KIRREL3: variants seen among roughly 807,000 people sequenced by gnomAD.
KIRREL3 encodes kin of IRRE-like protein 3.
Under a neutral mutation model 89.7 loss-of-function variants are expected in KIRREL3, and 36 were observed. The ratio of observed to expected loss-of-function variants is 0.40; its 90% CI spans 0.31 to 0.53. The LOEUF is 0.53. Ranked by LOEUF, KIRREL3 falls within the 20% of genes least tolerant of loss-of-function variation. KIRREL3 has a pLI of 0.49. For synonymous variants in KIRREL3, 445 were observed against 441.4 expected, an observed-to-expected ratio of 1.01 and a Z score of -0.10; for missense variants, 864 against 1,056.6, an observed-to-expected ratio of 0.82 and a Z score of 2.53.
Position 126,611,088 on chromosome 11 carries a change from A to G in KIRREL3, c.56-48176T>C, listed in dbSNP as rs941978912. The G allele has an allele frequency of 1.3e-5, 2 of 152,184 alleles. No individual in the cohort carries two copies. The highest frequency in any genetic ancestry group is 4.8e-5 in the African/African-American group (2 of 41,444). The allele number at this position is 152,184 out of a possible 1,614,324, so 9.4% of individuals were successfully genotyped here. A position where few individuals can be genotyped will look rare whatever the true frequency, so the allele number is the denominator to read the frequency against. On this transcript the variant is annotated intron_variant, in intron 1 of 16. Coordinates refer to ENST00000525144, the MANE Select transcript of KIRREL3 (RefSeq NM_032531.4). This position sits in a 1 kb window ranked among gnomAD's most constrained non-coding sequence, Gnocchi z 4.7. ...CAAGAGACAGACCGCCCACATTAAA[A>G]TCTGACTCCACTCCTGAGCTGTGTG...
intron 2 of KIRREL3, among the ~76,000 whole-genome samples, chr11:126,539,951 A>G (rs567410060): frequency 1.4e-3 from 216 of 152,250 alleles, no homozygotes; most frequent in African/African-American, 5.1e-3. Context: ...CCAGTCTGGG[A>G]GTGTTGGGAG....
intron 1 of KIRREL3, among the ~76,000 whole-genome samples, chr11:126,842,852 G>A (rs150113093): frequency 1.4e-3 from 211 of 152,340 alleles, no homozygotes; most frequent in Admixed American, 3.2e-3. Flanking sequence ...GGCCGACCAT[G>A]AGTTTGACTC....
At chr11:126,845,910 A>G (rs1340601277) in intron 1 of KIRREL3, among the ~76,000 whole-genome samples, 2 of 152,194 alleles carry the variant, frequency 1.3e-5, no homozygotes, top group African/African-American at 4.8e-5. Context: ...CTTGGGAAAA[A>G]CAGAGGAGGT....
At position 126,489,652 on chromosome 11, in the gene KIRREL3, A is replaced by T. The variant is rs2134331812; in HGVS notation, c.434-16186T>A. Among the ~76,000 whole-genome samples, 1 of 152,098 alleles carries T rather than the reference A, an allele frequency of 6.6e-6. No homozygotes were observed. The highest frequency in any genetic ancestry group is 1.9e-4 in the East Asian group (1 of 5,168). ...TCCCCTGGCTTTCCTGAGACCTTGG[A>T]CGTGCCCCTTCCCCTCTGCATTCCC... is the stretch of plus-strand genomic sequence containing the variant. On this transcript the variant is annotated intron_variant, in intron 4 of 16. Coordinates refer to ENST00000525144, the MANE Select transcript of KIRREL3 (RefSeq NM_032531.4). The surrounding 1 kb of genome is among the most constrained non-coding windows in gnomAD (Gnocchi z 5.5).
Position 126,870,517 on chromosome 11 carries a change from A to G in KIRREL3, c.55+129938T>C, listed in dbSNP as rs955155314. On this transcript the variant is annotated intron_variant, in intron 1 of 16. Transcript: ENST00000525144. The surrounding 1 kb of genome is among the most constrained non-coding windows in gnomAD (Gnocchi z 4.4). ...AAGGCAGGTCCTTGCAAGAGGTAAA[A>G]GGCTCAGTAGAATGCAGCTTCCTGG... is the stretch of plus-strand genomic sequence containing the variant. 2.6e-5 allele frequency among the ~76,000 whole-genome samples: 4 copies of G among 152,186 alleles called. No homozygotes were observed. The highest frequency in any genetic ancestry group is 5.9e-5 in the Non-Finnish European group (4 of 68,030).
rs746721628 is a variant in KIRREL3, at chr11:126,744,722, G to A, written c.56-181810C>T. On this transcript the variant is annotated intron_variant, in intron 1 of 16. Coordinates refer to ENST00000525144, the MANE Select transcript of KIRREL3 (RefSeq NM_032531.4). This position sits in a 1 kb window ranked among gnomAD's most constrained non-coding sequence, Gnocchi z 4.7. ...ACTAAGGACCCGATGAACAGTACTC[G>A]TATTACTATTCTTTATAATGCTCAT... Among the ~76,000 whole-genome samples the A allele has an allele frequency of 5.9e-5, 9 of 152,158 alleles. No individual in the cohort carries two copies. The highest frequency in any genetic ancestry group is 1.3e-4 in the Admixed American group (2 of 15,278).
chr11:126,797,649 C>G lies in KIRREL3; in HGVS notation c.55+202806G>C, dbSNP rs1409467994. The stretch of plus-strand genomic sequence containing the variant: ...GGGGCTTCTGATGGGGCCCTGGCAG[C>G]GGGAGTCTCAGCATCCAAGCACAAT... On this transcript the variant is annotated intron_variant, in intron 1 of 16. Transcript: ENST00000525144. This position sits in a 1 kb window ranked among gnomAD's most constrained non-coding sequence, Gnocchi z 4.9. Among the ~76,000 whole-genome samples, 1 of 152,062 alleles carries G rather than the reference C, an allele frequency of 6.6e-6. No individual in the cohort carries two copies. The highest frequency in any genetic ancestry group is 2.4e-5 in the African/African-American group (1 of 41,400).
At position 126,977,066 on chromosome 11, in the gene KIRREL3, T is replaced by C. The variant is rs1949599073; in HGVS notation, c.55+23389A>G. The stretch of plus-strand genomic sequence containing the variant: ...TCCCAAGGAGGACTGCCCTTTTTAT[T>C]CTTCTTCCTTCTTGAAACCTAAAAA... On this transcript the variant is annotated intron_variant, in intron 1 of 16. Transcript: ENST00000525144. The surrounding 1 kb of genome is among the most constrained non-coding windows in gnomAD (Gnocchi z 4.7). 6.6e-6 allele frequency among the ~76,000 whole-genome samples: 1 copy of C among 152,200 alleles called. No homozygotes were observed. Among genetic ancestry groups the C allele is most frequent in the African/African-American group, 2.4e-5 (1 of 41,446 alleles).
At chr11:126,939,945 T>C (rs1948369381) in intron 1 of KIRREL3, among the ~76,000 whole-genome samples, 1 of 152,074 alleles carries the variant, frequency 6.6e-6, no homozygotes, top group Admixed American at 6.6e-5. Context: ...AGAAACCCAG[T>C]ACAAATAAAA....
rs1944974505 is a variant in KIRREL3, at chr11:126,867,868, TC to T, written c.55+132586del. Among the ~76,000 whole-genome samples, 1 of 152,102 alleles carries T rather than the reference TC, an allele frequency of 6.6e-6. No homozygotes were observed. The highest frequency in any genetic ancestry group is 2.4e-5 in the African/African-American group (1 of 41,404). ...TTAGTTCTGCAATAAAACTGTGGAC[TC>T]CCCACGGATGCCATGCATGTCTTAT... is the stretch of plus-strand genomic sequence containing the variant. On this transcript the variant is annotated intron_variant, in intron 1 of 16. Coordinates refer to ENST00000525144, the MANE Select transcript of KIRREL3 (RefSeq NM_032531.4). The surrounding 1 kb of genome is among the most constrained non-coding windows in gnomAD (Gnocchi z 4.7).
chr11:126,740,083 C>T lies in KIRREL3; in HGVS notation c.56-177171G>A, dbSNP rs147130394. ...ACAGCTGATTTAAAATGCAGTTTAA[C>T]CTGAGGTAATTTGGCCCATTAGTTC... On this transcript the variant is annotated intron_variant, in intron 1 of 16. Transcript: ENST00000525144. This position sits in a 1 kb window ranked among gnomAD's most constrained non-coding sequence, Gnocchi z 6.0. Among the ~76,000 whole-genome samples, 129 of 152,240 alleles carry T rather than the reference C, an allele frequency of 8.5e-4. No homozygotes were observed. The highest frequency in any genetic ancestry group is 3.0e-3 in the African/African-American group (126 of 41,542).
chr11:126,916,799 C>T (rs1379002903), intron 1 of KIRREL3, among the ~76,000 whole-genome samples: 6 of 152,334 alleles, frequency 3.9e-5, no homozygotes, highest in Admixed American at 2.0e-4. Context: ...ATGGTCCAAA[C>T]TTCTCACATA....
At chr11:126,552,842 C>A (rs528772349) in intron 2 of KIRREL3, among the ~76,000 whole-genome samples, 2 of 151,894 alleles carry the variant, frequency 1.3e-5, no homozygotes, top group Non-Finnish European at 2.9e-5. Context: ...GGATTACAGG[C>A]GTGAGCCACC....
rs1205664534 is a variant in KIRREL3, at chr11:126,440,858, AGAG to A, written c.1253-312_1253-310del. 8 of 439,580 alleles carry A rather than the reference AGAG, an allele frequency of 1.8e-5. No homozygotes were observed. The Admixed American group carries it at 2.0e-4, about 11-fold the overall frequency. The allele number at this position is 439,580 out of a possible 1,614,324, so 27.2% of individuals were successfully genotyped here. A position where few individuals can be genotyped will look rare whatever the true frequency, so the allele number is the denominator to read the frequency against. ...TGCAGATAAAGTGCTAACCGACTTC[AGAG>A]GAGAGAGAATAATTCTATCTGGCGG... is the stretch of plus-strand genomic sequence containing the variant. On this transcript the variant is annotated intron_variant, in intron 10 of 16. Transcript: ENST00000525144.
chr11:126,619,060 C>T (rs1250273201), intron 1 of KIRREL3, among the ~76,000 whole-genome samples: 1 of 152,180 alleles, frequency 6.6e-6, no homozygotes. Context: ...CAAAGAGTTT[C>T]AGGTGCTGAT....
intron 10 of KIRREL3, among the ~76,000 whole-genome samples, chr11:126,442,697 C>T (rs1955627767): frequency 6.6e-6 from 1 of 152,270 alleles, no homozygotes; most frequent in African/African-American, 2.4e-5. Context: ...GGGCGTCCCC[C>T]CTCCCTCTGC....
At chr11:126,738,282 C>G (rs577799013) in intron 1 of KIRREL3, among the ~76,000 whole-genome samples, 69 of 152,262 alleles carry the variant, frequency 4.5e-4, no homozygotes, top group African/African-American at 1.6e-3. Context: ...CCTGTTGCCC[C>G]CTCCACCCCT....
At chr11:126,775,981 G>A (rs1217991518) in intron 1 of KIRREL3, among the ~76,000 whole-genome samples, 3 of 152,218 alleles carry the variant, frequency 2.0e-5, no homozygotes, top group African/African-American at 4.8e-5. Flanking sequence ...ATGGACGACA[G>A]TACTTTCTGC....
rs1378328535 is a variant in KIRREL3 at position 126,579,448 on chromosome 11, C to G, written c.56-16536G>C. The stretch of plus-strand genomic sequence containing the variant: ...TTATTAGATTTCTACTGTGCCTTTT[C>G]TCTGCAGAGTGCTCAGTGTCCCCAG... On this transcript the variant is annotated intron_variant, in intron 1 of 16. Transcript: ENST00000525144. This position sits in a 1 kb window ranked among gnomAD's most constrained non-coding sequence, Gnocchi z 5.3. Among the ~76,000 whole-genome samples, 3 of 152,156 alleles carry G rather than the reference C, an allele frequency of 2.0e-5. No homozygotes were observed. The highest frequency in any genetic ancestry group is 4.8e-5 in the African/African-American group (2 of 41,426).
Sources: gnomAD v4.1 joint callset for allele counts (sites outside exome capture counted in the v4.1 genomes callset) on GRCh38, gnomAD v4.1.1 for gene constraint, Gnocchi (gnomAD v3.1) non-coding constraint, MANE v1.5 for transcripts, NCBI Gene and HGNC (gene_info 2026-07-23, HGNC 2026-07-21) for gene names.